The following ZBBX variants were observed in gnomAD, a reference collection of about 807,000 sequenced individuals.
ZBBX encodes zinc finger B-box domain containing, also known as zinc finger B-box domain-containing protein 1.
In ZBBX, 101 loss-of-function variants were observed where a neutral mutation model predicts 108.5. The observed-to-expected ratio is 0.93, with a 90% CI of 0.79 to 1.10. The LOEUF is 1.10. Among genes scored for constraint, ZBBX ranks in the 50% least tolerant of loss-of-function variants. The pLI, the probability that ZBBX is intolerant of heterozygous loss-of-function variation, is 0.00. For synonymous variants in ZBBX, 356 were observed against 323.4 expected (o/e 1.10, Z -1.08); for missense variants, 1,009 against 941.4 (o/e 1.07, Z -0.94).
the ZBBX span, among the ~76,000 whole-genome samples, chr3:167,234,339 T>G: frequency 6.6e-6 from 1 of 152,034 alleles, no homozygotes; most frequent in East Asian, 1.9e-4. Flanking sequence ...ATACCATTTT[T>G]TTACACAGTG....
At chr3:167,215,677 A>G in the ZBBX span, among the ~76,000 whole-genome samples, 1 of 152,126 alleles carries the variant, frequency 6.6e-6, no homozygotes, top group East Asian at 1.9e-4. Context: ...ACCCAAGACA[A>G]AAAGAAAACT....
chr3:167,304,449 A>G (rs1461816273), intron 17 of ZBBX, among the ~76,000 whole-genome samples: 2 of 152,184 alleles, frequency 1.3e-5, no homozygotes, highest in Non-Finnish European at 2.9e-5. Context: ...GAACGAGAAG[A>G]TAAGCCCATC....
intron 9 of ZBBX, among the ~76,000 whole-genome samples, chr3:167,339,234 G>GA (rs1415402279): frequency 6.6e-6 from 1 of 151,938 alleles, no homozygotes; most frequent in Non-Finnish European, 1.5e-5. Flanking sequence ...AAAAAAACCT[G>GA]AAAAATATAT....
intron 1 of ZBBX, among the ~76,000 whole-genome samples, chr3:167,394,052 A>G (rs932557130): frequency 6.6e-6 from 1 of 151,942 alleles, no homozygotes; most frequent in East Asian, 1.9e-4. Context: ...AAATCTGTTT[A>G]TATCTGGATG....
At chr3:167,338,307 A>G (rs1739924477) in intron 9 of ZBBX, among the ~76,000 whole-genome samples, 2 of 152,188 alleles carry the variant, frequency 1.3e-5, no homozygotes, top group African/African-American at 2.4e-5. Context: ...ATCATTAATC[A>G]AAGTAAAGAG....
chr3:167,242,270 A>G (rs1483893175), intron 21 of ZBBX, among the ~76,000 whole-genome samples: 3 of 152,328 alleles, frequency 2.0e-5, no homozygotes, highest in Non-Finnish European at 4.4e-5. Context: ...TTTCATTTTT[A>G]TGATACATAT....
intron 8 of ZBBX, among the ~76,000 whole-genome samples, chr3:167,355,599 T>C (rs1215271293): frequency 6.6e-6 from 1 of 151,702 alleles, no homozygotes; most frequent in Non-Finnish European, 1.5e-5. Context: ...TATACACATA[T>C]GTGGCTTTCA....
intron 9 of ZBBX, among the ~76,000 whole-genome samples, chr3:167,343,358 T>C (rs1740885395): frequency 6.6e-6 from 1 of 151,862 alleles, no homozygotes; most frequent in African/African-American, 2.4e-5. Flanking sequence ...AGTTGCTCTG[T>C]CATTTGCTGC....
chr3:167,190,456 C>T, the ZBBX span, among the ~76,000 whole-genome samples: 2 of 148,202 alleles, frequency 1.3e-5, no homozygotes, highest in Non-Finnish European at 3.0e-5. Context: ...TCTCGGCTCA[C>T]TGCAAGCTCC....
chr3:167,317,627 A>T, intron 12 of ZBBX, 30 bp from the exon 13 acceptor site: 1 of 1,476,620 alleles, frequency 6.8e-7, no homozygotes, highest in Non-Finnish European at 9.3e-7. Context: ...CAATTAAGAG[A>T]CTGAAATATA....
intron 9 of ZBBX, among the ~76,000 whole-genome samples, chr3:167,341,722 A>G (rs1274465409): frequency 6.6e-6 from 1 of 152,000 alleles, no homozygotes. Flanking sequence ...TTCAACTAAT[A>G]TTACAAGTAT....
chr3:167,263,048 T>C (rs1724847624), intron 20 of ZBBX, among the ~76,000 whole-genome samples: 1 of 147,518 alleles, frequency 6.8e-6, no homozygotes, highest in South Asian at 2.1e-4. Context: ...TTTTTTTTTT[T>C]TTTTTTTGAG....
chr3:167,403,306 C>G (rs781724983), intron 1 of ZBBX, among the ~76,000 whole-genome samples: 1 of 152,046 alleles, frequency 6.6e-6, no homozygotes, highest in Non-Finnish European at 1.5e-5. Context: ...ACTTAGAATC[C>G]TACATCCAGC....
intron 2 of ZBBX, among the ~76,000 whole-genome samples, chr3:167,374,454 T>C (rs1388704185): frequency 6.6e-6 from 1 of 152,198 alleles, no homozygotes; most frequent in Non-Finnish European, 1.5e-5. Context: ...TTTATAGGAA[T>C]AAAAATTTCC....
At position 167,305,674 on chromosome 3, in the gene ZBBX, A is replaced by C; in HGVS notation, c.1694T>G (p.Phe565Cys). ...TGACTTTGTAGTTTTTGATTCTTCA[A>C]AGCTTGGCCTCTTATACAGATTGCT... ...ELSNLYKRPS[F>C]EESKTTKSSL... Residue 565 changes from phenylalanine (F) to cysteine (C), a missense_variant, in exon 17 of 22, where the codon TTT (phenylalanine) becomes TGT (cysteine). Phe to Cys is a radical substitution (Grantham distance 205). Coordinates refer to ENST00000675490, the MANE Select transcript of ZBBX (RefSeq NM_001199201.2). 6.3e-7 allele frequency: 1 copy of C among 1,577,598 alleles called. No homozygotes were observed. Among genetic ancestry groups the C allele is most frequent in the Non-Finnish European group, 8.6e-7 (1 of 1,166,412 alleles).
chr3:167,190,485 A>G, the ZBBX span, among the ~76,000 whole-genome samples: 7 of 145,476 alleles, frequency 4.8e-5, no homozygotes, highest in Non-Finnish European at 1.0e-4. Context: ...GGTTCATGCC[A>G]TTCTCCCGCC....
chr3:167,220,544 G>A, the ZBBX span, among the ~76,000 whole-genome samples: 1 of 151,884 alleles, frequency 6.6e-6, no homozygotes, highest in Non-Finnish European at 1.5e-5. Flanking sequence ...ATCCCATTAT[G>A]ATGAAAACCC....
the ZBBX span, among the ~76,000 whole-genome samples, chr3:167,231,930 TC>T: frequency 6.6e-6 from 1 of 151,816 alleles, no homozygotes; most frequent in South Asian, 2.1e-4. Context: ...GAATAATTTT[TC>T]TAAATCTAAT....
chr3:167,216,452 C>T, the ZBBX span, among the ~76,000 whole-genome samples: 10 of 151,786 alleles, frequency 6.6e-5, no homozygotes, highest in African/African-American at 2.2e-4. Flanking sequence ...AATTACAAAA[C>T]ACTACTCAAA....
Sources: allele counts gnomAD v4.1 joint callset (sites outside exome capture counted in the v4.1 genomes callset), GRCh38; gene constraint gnomAD v4.1.1; transcripts MANE v1.5; gene names NCBI Gene and HGNC (gene_info 2026-07-23, HGNC 2026-07-21).